The following BRWD3 variants were observed in gnomAD, a reference collection of about 807,000 sequenced individuals.
The protein encoded by BRWD3 is bromodomain and WD repeat domain containing 3.
A neutral mutation model predicts 149.7 loss-of-function variants in BRWD3; 10 were observed. That is an observed-to-expected ratio of 0.07 (90% CI 0.04 to 0.11). The LOEUF is 0.11. Ranked by LOEUF, BRWD3 falls within the 10% of genes least tolerant of loss-of-function variation. BRWD3 has a pLI of 1.00. For synonymous variants in BRWD3, 504 were observed against 456.7 expected, an observed-to-expected ratio of 1.10 and a Z score of -1.32; for missense variants, 940 against 1,373.2, an observed-to-expected ratio of 0.68 and a Z score of 4.99.
At chrX:80,689,274 C>A (rs959516536) in intron 33 of BRWD3, among the ~76,000 whole-genome samples, 2 of 111,368 alleles carry the variant, frequency 1.8e-5, no homozygotes, top group Non-Finnish European at 3.8e-5. Flanking sequence ...CGAGGGTCTG[C>A]TGAGTACTAC....
intron 6 of BRWD3, among the ~76,000 whole-genome samples, chrX:80,776,481 T>A (rs1424199068): frequency 8.9e-6 from 1 of 112,117 alleles, no homozygotes; most frequent in Non-Finnish European, 1.9e-5. Flanking sequence ...TATTGACCAC[T>A]GCTTTTGAAA....
intron 10 of BRWD3, among the ~76,000 whole-genome samples, 185 bp downstream of exon 10, chrX:80,734,942 G>GA (rs200450954): frequency 1.7e-3 from 189 of 108,120 alleles, no homozygotes; most frequent in East Asian, 5.8e-3. Context: ...TATGAATAAG[G>GA]AAAAAAAAAT....
At chrX:80,749,605 A>G (rs1420072324) in intron 6 of BRWD3, among the ~76,000 whole-genome samples, 1 of 111,299 alleles carries the variant, frequency 9.0e-6, no homozygotes, top group African/African-American at 3.3e-5. Flanking sequence ...TGTAGGCAGC[A>G]TATTATTGGG....
chrX:80,711,747 T>A (rs1162191627), intron 20 of BRWD3, among the ~76,000 whole-genome samples: 1 of 112,172 alleles, frequency 8.9e-6, no homozygotes, highest in Non-Finnish European at 1.9e-5. Flanking sequence ...TTTCAACTAA[T>A]TGCTAATTAG....
intron 20 of BRWD3, among the ~76,000 whole-genome samples, chrX:80,713,695 TA>T (rs1282928850): frequency 9.0e-6 from 1 of 110,652 alleles, no homozygotes; most frequent in African/African-American, 3.3e-5. Flanking sequence ...AATAAAAAAA[TA>T]AAAAATAAAA....
At chrX:80,697,022 T>C (rs917642171) in intron 25 of BRWD3, among the ~76,000 whole-genome samples, 159 bp from the exon 26 acceptor site, 12 of 111,794 alleles carry the variant, frequency 1.1e-4, no homozygotes, top group Admixed American at 1.1e-3. Context: ...TCTTAACTCC[T>C]AATAGCAGGT....
rs1478609609 is a variant in BRWD3, at chrX:80,809,113, A to C, written c.91-71T>G. 5.2e-6 allele frequency: 6 copies of C among 1,154,303 alleles called. No homozygotes were observed. In the African/African-American group the frequency reaches 1.1e-4, roughly 21 times the overall value. ...AACCCATTCCTCCCTCCACACTTAA[A>C]GCCCAGCCGCTGACCGTTTGACTAG... On this transcript the variant is annotated intron_variant, in intron 2 of 40. Coordinates refer to ENST00000373275, the MANE Select transcript of BRWD3 (RefSeq NM_153252.5).
intron 34 of BRWD3, 60 bp from the exon 35 acceptor site, chrX:80,687,063 A>C (rs1274723065): frequency 5.8e-6 from 6 of 1,033,441 alleles, no homozygotes; most frequent in Non-Finnish European, 8.0e-6. Flanking sequence ...TGATTTTCTC[A>C]TAAGTCCCTA....
intron 40 of BRWD3, among the ~76,000 whole-genome samples, chrX:80,679,650 T>C (rs1208049467): frequency 1.8e-5 from 2 of 110,943 alleles, no homozygotes; most frequent in East Asian, 5.7e-4. Context: ...AAATAAGAGA[T>C]ATAAGCTAAT....
At chrX:80,677,913 A>G (rs1569243047) in intron 40 of BRWD3, among the ~76,000 whole-genome samples, 1 of 112,016 alleles carries the variant, frequency 8.9e-6, no homozygotes, top group Admixed American at 9.5e-5. Context: ...CAGAGGTAGT[A>G]TTAGAAGAAA....
chrX:80,750,944 C>A (rs2073658631), intron 6 of BRWD3, among the ~76,000 whole-genome samples: 1 of 110,781 alleles, frequency 9.0e-6, no homozygotes, highest in African/African-American at 3.3e-5. Context: ...TTATGCCATT[C>A]ACAACAACTT....
chrX:80,676,909 G>A lies in BRWD3; in HGVS notation c.5109C>T (p.Gly1703=). 1 of 1,204,857 alleles carries A rather than the reference G, an allele frequency of 8.3e-7. No individual in the cohort carries two copies. Among genetic ancestry groups the A allele is most frequent in the Non-Finnish European group, 1.1e-6 (1 of 890,357 alleles). Reference sequence around the variant, plus strand: ...CTCTCCCTCTTCCCCTCCCCCTAGTGCCACCTCCACCTCTTCCTCGACTCC... The same window carrying A: ...CTCTCCCTCTTCCCCTCCCCCTAGTACCACCTCCACCTCTTCCTCGACTCC... ...GRGSRGRGGG[G]TRGRGRGRGG... The change falls in exon 41 of 41, where the codon GGC becomes GGT. Residue 1703 remains glycine, a synonymous_variant. Coordinates refer to ENST00000373275, the MANE Select transcript of BRWD3 (RefSeq NM_153252.5).
At chrX:80,747,506 GA>G (rs11332158) in intron 6 of BRWD3, among the ~76,000 whole-genome samples, 38,672 of 103,492 alleles carry the variant, frequency 0.37, 6,274 homozygotes, top group South Asian at 0.64. Flanking sequence ...AATAGAAGGG[GA>G]AAAAAAAAAC....
At chrX:80,786,496 C>T (rs2074108589) in intron 6 of BRWD3, among the ~76,000 whole-genome samples, 1 of 103,897 alleles carries the variant, frequency 9.6e-6, no homozygotes, top group South Asian at 5.3e-4. Flanking sequence ...AACCTGTACA[C>T]TCTCACCCTT....
chrX:80,777,676 G>A (rs1191465431), intron 6 of BRWD3, among the ~76,000 whole-genome samples: 2 of 111,721 alleles, frequency 1.8e-5, no homozygotes, highest in East Asian at 2.8e-4. Context: ...GGGATTACAG[G>A]CACGAGCCAC....
Position 80,721,840 on chromosome X carries a change from G to C in BRWD3, c.1876+722C>G, listed in dbSNP as rs764853232. Among the ~76,000 whole-genome samples, 3 of 111,273 alleles carry C rather than the reference G, an allele frequency of 2.7e-5. No homozygotes were observed. The Admixed American group carries it at 2.9e-4, about 11-fold the overall frequency. ...GGTAAATAGCTACCTCCAGCTGCGG[G>C]GTAGGGGTTGTTTTCTTTTTATTGA... On this transcript the variant is annotated intron_variant, in intron 17 of 40. Transcript: ENST00000373275.
chrX:80,791,245 A>C (rs1346256224), intron 6 of BRWD3, among the ~76,000 whole-genome samples: 1 of 111,914 alleles, frequency 8.9e-6, no homozygotes, highest in Non-Finnish European at 1.9e-5. Context: ...AAGAGCGAGA[A>C]AGTAATGGAG....
intron 6 of BRWD3, among the ~76,000 whole-genome samples, chrX:80,748,404 A>G (rs1161999218): frequency 8.9e-6 from 1 of 112,054 alleles, no homozygotes; most frequent in East Asian, 2.8e-4. Context: ...TCACCTCATA[A>G]AATGAATTTG....
intron 10 of BRWD3, 101 bp downstream of exon 10, chrX:80,735,026 C>A (rs2073383868): frequency 1.4e-6 from 1 of 725,325 alleles, no homozygotes; most frequent in Non-Finnish European, 2.1e-6. Context: ...TGATATCCTT[C>A]AATTAACACT....
Sources: allele counts gnomAD v4.1 joint callset (sites outside exome capture counted in the v4.1 genomes callset), GRCh38; gene constraint gnomAD v4.1.1; transcripts MANE v1.5; gene names NCBI Gene and HGNC (gene_info 2026-07-23, HGNC 2026-07-21).